Variants in TAS2R7 observed in about 807,000 individuals in gnomAD.
The protein encoded by TAS2R7 is taste 2 receptor member 7, also known as taste receptor type 2 member 7.
For missense variants in TAS2R7, 403 were observed against 366.0 expected (o/e 1.10, Z -0.82); for synonymous variants, 159 against 138.8 (o/e 1.15, Z -1.02).
rs767868467 is a variant in TAS2R7 at position 10,801,941 on chromosome 12, T to G, written c.630A>C (p.Arg210Ser). The change falls in exon 1 of 1, where the codon AGA becomes AGC. Residue 210 changes from arginine to serine, a missense_variant. Transcript: ENST00000240687. ...CACTGAGCTGCATTCGCCTGATATG[T>G]CTCCGCAGGGAGAGGATCAAGAGGA... ...SFFLLILSLR[R>S]HIRRMQLSAT... 3 of 1,613,874 alleles carry G rather than the reference T, an allele frequency of 1.9e-6. No homozygotes were observed. The South Asian group carries it at 3.3e-5, about 18-fold the overall frequency.
rs1257712094 is a variant in TAS2R7, at chr12:10,801,582, CTTTG to C, written c.*28_*31del. On this transcript the variant is annotated 3_prime_UTR_variant, in exon 1 of 1. Coordinates refer to ENST00000240687, the MANE Select transcript of TAS2R7 (RefSeq NM_023919.2). Reference sequence around the variant, plus strand: ...TGAAGTTAATTTAGAAACATCTTATCTTTGTTTGTCCTAGAAAAGCATAGTTTCT... The same window carrying C: ...TGAAGTTAATTTAGAAACATCTTATCTTTGTCCTAGAAAAGCATAGTTTCT... The C allele has an allele frequency of 2.1e-5, 28 of 1,342,322 alleles. No individual in the cohort carries two copies. Among genetic ancestry groups the C allele is most frequent in the South Asian group, 1.2e-4 (9 of 74,742 alleles). 83.2% of individuals were successfully genotyped at this position (1,342,322 alleles called of 1,614,324 possible). A position where few individuals can be genotyped will look rare whatever the true frequency, so the allele number is the denominator to read the frequency against.
chr12:10,802,593 T>C lies in TAS2R7; in HGVS notation c.-23A>G, dbSNP rs1286139521. ...CATGTTTAAATATGCAATTAGTTTC[T>C]AGTTGACCTGATGGAGTTTGACATC... On this transcript the variant is annotated 5_prime_UTR_variant, in exon 1 of 1. Transcript: ENST00000240687. The C allele has an allele frequency of 1.3e-6, 2 of 1,593,080 alleles. No individual in the cohort carries two copies. The highest frequency in any genetic ancestry group is 2.3e-5 in the South Asian group (2 of 88,104).
Position 10,802,208 on chromosome 12 carries a change from C to A in TAS2R7, c.363G>T (p.Trp121Cys), listed in dbSNP as rs1948693768. ...TCACCCTGTCAATTCTCCACTTCAT[C>A]CAGAGGAAAAGTGGGTGAAAGAAAT... ...IGNFFHPLFLWMKWRIDRVIS... is the reference protein window; with the variant it reads ...IGNFFHPLFLCMKWRIDRVIS... The change falls in exon 1 of 1, where the codon TGG becomes TGT. Residue 121 changes from tryptophan (W) to cysteine (C), a missense_variant. By Grantham distance (215) the Trp-to-Cys change is radical. Transcript: ENST00000240687. The A allele has an allele frequency of 6.2e-7, 1 of 1,613,556 alleles. No homozygotes were observed. The highest frequency in any genetic ancestry group is 8.5e-7 in the Non-Finnish European group (1 of 1,179,874).
Position 10,802,090 on chromosome 12 carries a change from T to G in TAS2R7, c.481A>C (p.Lys161Gln), listed in dbSNP as rs1437352639. ...GTTAAGTTTGTTTTCCTCTTTGCCT[T>G]CACACAAAACCTGAAATCAGCGTTC... ...NLNADFRFCV[K>Q]AKRKTNLTWS... The change falls in exon 1 of 1, where the codon AAG becomes CAG. Residue 161 changes from lysine to glutamine, a missense_variant. Lys to Gln is a moderately conservative substitution (Grantham distance 53). Coordinates refer to ENST00000240687, the MANE Select transcript of TAS2R7 (RefSeq NM_023919.2). The G allele has an allele frequency of 6.2e-7, 1 of 1,613,954 alleles. No individual in the cohort carries two copies. The highest frequency in any genetic ancestry group is 8.5e-7 in the Non-Finnish European group (1 of 1,179,972).
At position 10,802,197 on chromosome 12, in the gene TAS2R7, C is replaced by T. The variant is rs759400853; in HGVS notation, c.374G>A (p.Arg125Lys). 6.2e-7 allele frequency: 1 copy of T among 1,613,612 alleles called. No homozygotes were observed. The highest frequency in any genetic ancestry group is 1.3e-5 in the African/African-American group (1 of 74,910). ...AATCCAGGAAATCACCCTGTCAATT[C>T]TCCACTTCATCCAGAGGAAAAGTGG... ...FHPLFLWMKWRIDRVISWILL... is the reference protein window; with the variant it reads ...FHPLFLWMKWKIDRVISWILL... The change falls in exon 1 of 1, where the codon AGA (arginine) becomes AAA (lysine). Residue 125 changes from arginine to lysine, a missense_variant. Coordinates refer to ENST00000240687, the MANE Select transcript of TAS2R7 (RefSeq NM_023919.2).
In TAS2R7 at chr12:10,802,330, C is replaced by T. The variant is rs1192538983; in HGVS notation, c.241G>A (p.Glu81Lys). 1.9e-6 allele frequency: 3 copies of T among 1,613,994 alleles called. No individual in the cohort carries two copies. The highest frequency in any genetic ancestry group is 1.7e-4 in the Middle Eastern group (1 of 6,056). ...LYPDVYATGKEMRIIDFFWTL... is the reference protein window; with the variant it reads ...LYPDVYATGKKMRIIDFFWTL... ...CAGAAGAAGTCAATGATTCTCATTTCTTTACCAGTGGCATAGACATCTGGA... is the reference window on the plus strand; with the variant it reads ...CAGAAGAAGTCAATGATTCTCATTTTTTTACCAGTGGCATAGACATCTGGA... Residue 81 changes from glutamate to lysine, a missense_variant, in exon 1 of 1, where the codon GAA becomes AAA. Glu to Lys is a moderately conservative substitution (Grantham distance 56). Coordinates refer to ENST00000240687, the MANE Select transcript of TAS2R7 (RefSeq NM_023919.2).
rs201373219 is a variant in TAS2R7, at chr12:10,801,831, T to C, written c.740A>G (p.Tyr247Cys). ...GGTGGCAATGAGAAAGGACAAATAG[T>C]AGGCAATAAAGAGGAGAAGGAAGGA... ...VISFLLLFIA[Y>C]YLSFLIATSS... Residue 247 changes from tyrosine to cysteine, a missense_variant, in exon 1 of 1, where the codon TAC (tyrosine) becomes TGC (cysteine). Transcript: ENST00000240687. 177 of 1,613,936 alleles carry C rather than the reference T, an allele frequency of 1.1e-4. No homozygotes were observed. The highest frequency in any genetic ancestry group is 2.9e-5 in the Non-Finnish European group (34 of 1,179,968).
chr12:10,801,817 G>C lies in TAS2R7; in HGVS notation c.754C>G (p.Leu252Val), dbSNP rs1334365603. The C allele has an allele frequency of 6.2e-7, 1 of 1,614,002 alleles. No individual in the cohort carries two copies. The highest frequency in any genetic ancestry group is 2.2e-5 in the East Asian group (1 of 44,876). Residue 252 changes from leucine (L) to valine (V), a missense_variant, in exon 1 of 1, where the codon CTC becomes GTC. Physicochemically the swap from Leu to Val is conservative, Grantham distance 32. Transcript: ENST00000240687. ...LLFIAYYLSF[L>V]IATSSYFMPE... Reference sequence around the variant, plus strand: ...ATAAAGTAGCTGGAGGTGGCAATGAGAAAGGACAAATAGTAGGCAATAAAG... The same window carrying C: ...ATAAAGTAGCTGGAGGTGGCAATGACAAAGGACAAATAGTAGGCAATAAAG...
In TAS2R7 at chr12:10,802,543, ATAAAG is replaced by A. The variant is rs1207844436; in HGVS notation, c.23_27del (p.Thr8IlefsTer36). 1.1e-5 allele frequency: 17 copies of A among 1,613,798 alleles called. No individual in the cohort carries two copies. The highest frequency in any genetic ancestry group is 1.4e-5 in the Non-Finnish European group (17 of 1,179,830). On this transcript the variant is annotated frameshift_variant, in exon 1 of 1. Transcript: ENST00000240687. LOFTEE classifies it low-confidence loss of function (END_TRUNC). ...GAAAACTCTCCAACTGCTAAGAACA[ATAAAG>A]TAGTCTGCACTTTATCTGCCATGTT...
chr12:10,802,116 A>C lies in TAS2R7; in HGVS notation c.455T>G (p.Leu152Trp). 6.2e-7 allele frequency: 1 copy of C among 1,614,006 alleles called. No homozygotes were observed. Among genetic ancestry groups the C allele is most frequent in the Non-Finnish European group, 8.5e-7 (1 of 1,179,972 alleles). Residue 152 changes from leucine (L) to tryptophan (W), a missense_variant, in exon 1 of 1, where the codon TTG becomes TGG. Transcript: ENST00000240687. Reference protein sequence around the residue: ...VFISLPATENLNADFRFCVKA... With the variant: ...VFISLPATENWNADFRFCVKA... ...CACACAAAACCTGAAATCAGCGTTC[A>C]AATTCTCAGTGGCTGGAAGGCTAAT...
chr12:10,802,167 A>G lies in TAS2R7; in HGVS notation c.404T>C (p.Leu135Pro). 1 of 1,613,826 alleles carries G rather than the reference A, an allele frequency of 6.2e-7. No individual in the cohort carries two copies. Among genetic ancestry groups the G allele is most frequent in the Non-Finnish European group, 8.5e-7 (1 of 1,179,926 alleles). ...RIDRVISWIL[L>P]GCVVLSVFIS... is the part of the protein sequence containing the mutation. Reference sequence around the variant, plus strand: ...AAACACAGAGAGAACCACGCACCCCAGTAGAATCCAGGAAATCACCCTGTC... The same window carrying G: ...AAACACAGAGAGAACCACGCACCCCGGTAGAATCCAGGAAATCACCCTGTC... Residue 135 changes from leucine to proline, a missense_variant, in exon 1 of 1, where the codon CTG (leucine) becomes CCG (proline). Leu to Pro is a moderately conservative substitution (Grantham distance 98, BLOSUM62 -3). Coordinates refer to ENST00000240687, the MANE Select transcript of TAS2R7 (RefSeq NM_023919.2).
rs779776937 is a variant in TAS2R7, at chr12:10,802,476, C to T, written c.95G>A (p.Cys32Tyr). The T allele has an allele frequency of 1.2e-6, 2 of 1,614,032 alleles. No individual in the cohort carries two copies. The highest frequency in any genetic ancestry group is 2.2e-5 in the East Asian group (1 of 44,864). The part of the protein sequence containing the change: ...LGNAFIGLVN[C>Y]MDWVKKRKIA... ...TTTCCTCTTCTTGACCCAGTCCATGCAGTTTACCAATCCAATGAATGCATT... is the reference window on the plus strand; with the variant it reads ...TTTCCTCTTCTTGACCCAGTCCATGTAGTTTACCAATCCAATGAATGCATT... Residue 32 changes from cysteine (C) to tyrosine (Y), a missense_variant, in exon 1 of 1, where the codon TGC becomes TAC. By Grantham distance (194) the Cys-to-Tyr change is radical. Transcript: ENST00000240687.
Position 10,801,700 on chromosome 12 carries a change from T to C in TAS2R7, c.871A>G (p.Lys291Glu). ...HSFILILGNN[K>E]LRHASLKVIW... Reference sequence around the variant, plus strand: ...ACCTTTAGAGATGCATGTCTTAATTTATTGTTCCCCAGTATTAGGATAAAT... The same window carrying C: ...ACCTTTAGAGATGCATGTCTTAATTCATTGTTCCCCAGTATTAGGATAAAT... The change falls in exon 1 of 1, where the codon AAA (lysine) becomes GAA (glutamate). Residue 291 changes from lysine (K) to glutamate (E), a missense_variant. Coordinates refer to ENST00000240687, the MANE Select transcript of TAS2R7 (RefSeq NM_023919.2). The C allele has an allele frequency of 6.2e-7, 1 of 1,613,816 alleles. No homozygotes were observed. Among genetic ancestry groups the C allele is most frequent in the Non-Finnish European group, 8.5e-7 (1 of 1,179,772 alleles).
chr12:10,802,522 A>T lies in TAS2R7; in HGVS notation c.49T>A (p.Phe17Ile). The T allele has an allele frequency of 1.2e-6, 2 of 1,613,494 alleles. No individual in the cohort carries two copies. The highest frequency in any genetic ancestry group is 2.2e-5 in the South Asian group (2 of 91,050). Reference protein sequence around the residue: ...TTLLFLAVGEFSVGILGNAFI... With the variant: ...TTLLFLAVGEISVGILGNAFI... ...GCATTCCCTAAGATCCCCACTGAAAACTCTCCAACTGCTAAGAACAATAAA... is the reference window on the plus strand; with the variant it reads ...GCATTCCCTAAGATCCCCACTGAAATCTCTCCAACTGCTAAGAACAATAAA... The change falls in exon 1 of 1, where the codon TTT becomes ATT. Residue 17 changes from phenylalanine to isoleucine, a missense_variant. Coordinates refer to ENST00000240687, the MANE Select transcript of TAS2R7 (RefSeq NM_023919.2).
Position 10,801,590 on chromosome 12 carries a change from G to A in TAS2R7, c.*24C>T, listed in dbSNP as rs755328792. The A allele has an allele frequency of 7.2e-7, 1 of 1,391,816 alleles. No individual in the cohort carries two copies. The highest frequency in any genetic ancestry group is 1.3e-5 in the South Asian group (1 of 78,282). 86.2% of individuals were successfully genotyped at this position (1,391,816 alleles called of 1,614,324 possible). ...ATTTAGAAACATCTTATCTTTGTTT[G>A]TCCTAGAAAAGCATAGTTTCTCTTC... is the stretch of plus-strand genomic sequence containing the variant. On this transcript the variant is annotated 3_prime_UTR_variant, in exon 1 of 1. Coordinates refer to ENST00000240687, the MANE Select transcript of TAS2R7 (RefSeq NM_023919.2).
Position 10,801,711 on chromosome 12 carries a change from A to G in TAS2R7, c.860T>C (p.Leu287Pro). Reference protein sequence around the residue: ...YPSSHSFILILGNNKLRHASL... With the variant: ...YPSSHSFILIPGNNKLRHASL... Reference sequence around the variant, plus strand: ...TGCATGTCTTAATTTATTGTTCCCCAGTATTAGGATAAATGAATGACTTGA... The same window carrying G: ...TGCATGTCTTAATTTATTGTTCCCCGGTATTAGGATAAATGAATGACTTGA... The change falls in exon 1 of 1, where the codon CTG becomes CCG. Residue 287 changes from leucine (L) to proline (P), a missense_variant. Physicochemically the swap from Leu to Pro is moderately conservative, Grantham distance 98. Coordinates refer to ENST00000240687, the MANE Select transcript of TAS2R7 (RefSeq NM_023919.2). 6.2e-7 allele frequency: 1 copy of G among 1,613,702 alleles called. No individual in the cohort carries two copies. Among genetic ancestry groups the G allele is most frequent in the Non-Finnish European group, 8.5e-7 (1 of 1,179,682 alleles).
chr12:10,801,692 T>A lies in TAS2R7; in HGVS notation c.879A>T (p.Arg293Ser). 6.2e-7 allele frequency: 1 copy of A among 1,613,714 alleles called. No individual in the cohort carries two copies. The highest frequency in any genetic ancestry group is 8.5e-7 in the Non-Finnish European group (1 of 1,179,660). Residue 293 changes from arginine to serine, a missense_variant, in exon 1 of 1, where the codon AGA becomes AGT. Arg to Ser is a moderately radical substitution (Grantham distance 110). Transcript: ENST00000240687. Reference protein sequence around the residue: ...FILILGNNKLRHASLKVIWKV... With the variant: ...FILILGNNKLSHASLKVIWKV... ...TCCAAATCACCTTTAGAGATGCATG[T>A]CTTAATTTATTGTTCCCCAGTATTA...
rs533347154 is a variant in TAS2R7, at chr12:10,801,946, G to T, written c.625C>A (p.Arg209=). The T allele has an allele frequency of 2.5e-6, 4 of 1,613,886 alleles. No individual in the cohort carries two copies. Among genetic ancestry groups the T allele is most frequent in the East Asian group, 2.2e-5 (1 of 44,850 alleles). Residue 209 remains arginine (R), a synonymous_variant, in exon 1 of 1, where the codon CGG becomes AGG. Coordinates refer to ENST00000240687, the MANE Select transcript of TAS2R7 (RefSeq NM_023919.2). ...AGCTGCATTCGCCTGATATGTCTCC[G>T]CAGGGAGAGGATCAAGAGGAAAAAG... ...MSFFLLILSL[R]RHIRRMQLSA...
In TAS2R7 at chr12:10,802,588, G is replaced by A. The variant is rs371166262; in HGVS notation, c.-18C>T. 4.4e-6 allele frequency: 7 copies of A among 1,598,188 alleles called. No homozygotes were observed. The highest frequency in any genetic ancestry group is 6.0e-6 in the Non-Finnish European group (7 of 1,170,374). ...TCTGCCATGTTTAAATATGCAATTAGTTTCTAGTTGACCTGATGGAGTTTG... is the reference window on the plus strand; with the variant it reads ...TCTGCCATGTTTAAATATGCAATTAATTTCTAGTTGACCTGATGGAGTTTG... On this transcript the variant is annotated 5_prime_UTR_variant, in exon 1 of 1. Transcript: ENST00000240687.
Sources: gnomAD v4.1 joint callset for allele counts on GRCh38, gnomAD v4.1.1 for gene constraint, MANE v1.5 for transcripts, NCBI Gene and HGNC (gene_info 2026-07-23, HGNC 2026-07-21) for gene names.